HERC2: variants seen among roughly 807,000 people sequenced by gnomAD.
The protein encoded by HERC2 is E3 ubiquitin-protein ligase HERC2.
HERC2 carries 102 observed loss-of-function variants against 537.7 expected under a neutral mutation model. That is an observed-to-expected ratio of 0.19 (90% CI 0.16 to 0.22). The LOEUF (loss-of-function observed/expected upper bound fraction) is 0.22, where lower values mean the gene tolerates loss of function less well. HERC2 is among the 10% of genes least tolerant of loss of function. The pLI is 1.00. For synonymous variants in HERC2, 2,224 were observed against 2,466.2 expected (o/e 0.90, Z 2.91); for missense variants, 4,236 against 6,198.2 (o/e 0.68, Z 10.63).
chr15:28,270,769 C>A lies in HERC2; in HGVS notation c.1183G>T (p.Val395Phe), dbSNP rs1442339618. Residue 395 changes from valine (V) to phenylalanine (F), a missense_variant, in exon 10 of 93, where the codon GTT becomes TTT. Coordinates refer to ENST00000261609, the MANE Select transcript of HERC2 (RefSeq NM_004667.6). ...LAIDLRQTAV[V>F]VMAHLDRLAT... The stretch of plus-strand genomic sequence containing the variant: ...AGACGGTCTAAATGGGCCATGACAA[C>A]AACCGCCGTTTGTCGCAGATCAATG... The A allele has an allele frequency of 1.2e-6, 2 of 1,613,968 alleles. No homozygotes were observed. Among genetic ancestry groups the A allele is most frequent in the Non-Finnish European group, 1.7e-6 (2 of 1,179,866 alleles).
rs546885586 is a variant in HERC2, at chr15:28,122,860, C to T, written c.13188+1177G>A. Among the ~76,000 whole-genome samples, 1 of 152,194 alleles carries T rather than the reference C, an allele frequency of 6.6e-6. No individual in the cohort carries two copies. The highest frequency in any genetic ancestry group is 2.1e-4 in the South Asian group (1 of 4,814). ...CACACACCAGCTCCCACCCATGCCCCGCTCACAGCCTGCACAACGCTCACA... is the reference window on the plus strand; with the variant it reads ...CACACACCAGCTCCCACCCATGCCCTGCTCACAGCCTGCACAACGCTCACA... On this transcript the variant is annotated intron_variant, in intron 85 of 92. Coordinates refer to ENST00000261609, the MANE Select transcript of HERC2 (RefSeq NM_004667.6). The surrounding 1 kb of genome is among the most constrained non-coding windows in gnomAD (Gnocchi z 4.1).
In HERC2 at chr15:28,220,467, T is replaced by A. The variant is rs1302653285; in HGVS notation, c.5830A>T (p.Thr1944Ser). The A allele has an allele frequency of 6.2e-7, 1 of 1,606,420 alleles. No individual in the cohort carries two copies. Among genetic ancestry groups the A allele is most frequent in the Non-Finnish European group, 8.5e-7 (1 of 1,179,788 alleles). The change falls in exon 37 of 93, where the codon ACA becomes TCA. Residue 1944 changes from threonine to serine, a missense_variant. Thr to Ser is a moderately conservative substitution (Grantham distance 58). Transcript: ENST00000261609. ...AAQPSAEDSD[T>S]EDDSEAEQTE... is the part of the protein sequence containing the mutation. ...AGTCACCCACCAGAGTCATCCTCTG[T>A]GTCCGAATCCTCTGCTGAGGGCTGT... is the stretch of plus-strand genomic sequence containing the variant.
intron 35 of HERC2, among the ~76,000 whole-genome samples, chr15:28,227,118 T>C (rs1226108281): frequency 6.6e-6 from 1 of 151,964 alleles, no homozygotes; most frequent in African/African-American, 2.4e-5. Flanking sequence ...CTACTAAAAA[T>C]ATAAAAATTA....
At chr15:28,117,202 A>G in intron 86 of HERC2, 48 bp from the exon 87 acceptor site, 1 of 1,593,970 alleles carries the variant, frequency 6.3e-7, no homozygotes, top group Non-Finnish European at 8.6e-7. Context: ...CGCAGCAGGA[A>G]GCACACAGTC....
At chr15:28,219,962 T>C (rs1477483591) in intron 37 of HERC2, among the ~76,000 whole-genome samples, 2 of 152,256 alleles carry the variant, frequency 1.3e-5, no homozygotes, top group African/African-American at 2.4e-5. Flanking sequence ...GATAAAGTGC[T>C]GACTAACTCC....
intron 70 of HERC2, among the ~76,000 whole-genome samples, chr15:28,146,779 G>A (rs1430390259): frequency 7.5e-5 from 11 of 146,180 alleles, no homozygotes; most frequent in Non-Finnish European, 1.0e-4. Flanking sequence ...CTGGAGAACC[G>A]CTTGGTGTGG....
chr15:28,286,290 G>T (rs960568186), intron 4 of HERC2, among the ~76,000 whole-genome samples: 1 of 151,976 alleles, frequency 6.6e-6, no homozygotes, highest in African/African-American at 2.4e-5. Flanking sequence ...ATTTTAAGAA[G>T]CTAATATTAG....
In HERC2 at chr15:28,196,117, A is replaced by C; in HGVS notation, c.8260+98T>G. 1.3e-5 allele frequency: 16 copies of C among 1,210,386 alleles called. No homozygotes were observed. In the South Asian group the frequency reaches 2.2e-4, roughly 16 times the overall value. The allele number at this position is 1,210,386 out of a possible 1,614,324, so 75.0% of individuals were successfully genotyped here. A position where few individuals can be genotyped will look rare whatever the true frequency, so the allele number is the denominator to read the frequency against. Reference sequence around the variant, plus strand: ...CTCACTCTACAGAATTACTGTATACATAGGAACCTTAAAATAACAAATTCC... The same window carrying C: ...CTCACTCTACAGAATTACTGTATACCTAGGAACCTTAAAATAACAAATTCC... On this transcript the variant is annotated intron_variant, in intron 52 of 92. Coordinates refer to ENST00000261609, the MANE Select transcript of HERC2 (RefSeq NM_004667.6).
chr15:28,183,366 T>C (rs867301426), intron 56 of HERC2, among the ~76,000 whole-genome samples: 1 of 149,220 alleles, frequency 6.7e-6, no homozygotes, highest in South Asian at 2.1e-4. Context: ...TGCACCATCA[T>C]GCCCAGCTAA....
rs555673175 is a variant in HERC2 at position 28,273,281 on chromosome 15, A to G, written c.801-277T>C. 6.2e-6 allele frequency: 3 copies of G among 482,472 alleles called. No individual in the cohort carries two copies. In the South Asian group the frequency reaches 6.9e-5, roughly 11 times the overall value. The allele number at this position is 482,472 out of a possible 1,614,324, so 29.9% of individuals were successfully genotyped here. ...TATGAAGCATAAAATAATTTATCTC[A>G]TTATCAAAAACATAAGTAGAAGAAT... On this transcript the variant is annotated intron_variant, in intron 7 of 92. Transcript: ENST00000261609.
chr15:28,143,783 C>T, intron 74 of HERC2, 90 bp downstream of exon 74: 2 of 1,530,860 alleles, frequency 1.3e-6, no homozygotes, highest in Admixed American at 1.8e-5. Flanking sequence ...TCCCCAACTC[C>T]TCTCAACGAT....
At chr15:28,221,826 C>A (rs888942612) in intron 36 of HERC2, among the ~76,000 whole-genome samples, 14 of 151,844 alleles carry the variant, frequency 9.2e-5, no homozygotes, top group Non-Finnish European at 2.1e-4. Flanking sequence ...GCCTCTCTTT[C>A]CAGACTTGAT....
intron 44 of HERC2, among the ~76,000 whole-genome samples, chr15:28,210,127 A>T (rs1326900753): frequency 7.1e-5 from 10 of 141,650 alleles, no homozygotes; most frequent in Non-Finnish European, 1.4e-4. Flanking sequence ...ATGCCCCACT[A>T]TTTTTTTTTA....
intron 57 of HERC2, among the ~76,000 whole-genome samples, chr15:28,181,851 GT>G (rs1895852339): frequency 6.6e-6 from 1 of 152,244 alleles, no homozygotes; most frequent in African/African-American, 2.4e-5. Context: ...AAGCTTCATG[GT>G]TTACTGACAA....
intron 48 of HERC2, among the ~76,000 whole-genome samples, chr15:28,201,030 TC>T (rs1046552979): frequency 1.4e-5 from 2 of 147,564 alleles, no homozygotes; most frequent in African/African-American, 5.0e-5. Flanking sequence ...AAAACAGCCA[TC>T]CCTGCGCCAT....
chr15:28,302,833 T>G (rs921095747), intron 2 of HERC2, among the ~76,000 whole-genome samples: 4 of 152,066 alleles, frequency 2.6e-5, no homozygotes, highest in African/African-American at 9.7e-5. Flanking sequence ...TTCAAATCTT[T>G]TGCCCATTCT....
At chr15:28,244,320 A>C (rs140374990) in intron 23 of HERC2, among the ~76,000 whole-genome samples, 1 of 152,324 alleles carries the variant, frequency 6.6e-6, no homozygotes, top group East Asian at 1.9e-4. Flanking sequence ...GAAGCTCAGA[A>C]ACCAAAAGGT....
At chr15:28,197,288 A>G (rs545700467) in intron 50 of HERC2, among the ~76,000 whole-genome samples, 2 of 152,290 alleles carry the variant, frequency 1.3e-5, no homozygotes, top group South Asian at 4.1e-4. Context: ...ACACATACTT[A>G]TTTCTCATGC....
At chr15:28,297,952 G>A (rs999767032) in intron 3 of HERC2, among the ~76,000 whole-genome samples, 21 of 149,088 alleles carry the variant, frequency 1.4e-4, no homozygotes, top group African/African-American at 5.2e-4. Flanking sequence ...CAAATACGGT[G>A]GCAGAACATG....
Sources: allele counts gnomAD v4.1 joint callset (sites outside exome capture counted in the v4.1 genomes callset), GRCh38; gene constraint gnomAD v4.1.1; non-coding constraint Gnocchi (gnomAD v3.1); transcripts MANE v1.5; gene names NCBI Gene and HGNC (gene_info 2026-07-23, HGNC 2026-07-21).